The following CNIH3 variants were observed in gnomAD, a reference collection of about 807,000 sequenced individuals.
The protein encoded by CNIH3 is cornichon family AMPA receptor auxiliary protein 3.
CNIH3 carries 14 observed loss-of-function variants against 24.1 expected under a neutral mutation model. That is an observed-to-expected ratio of 0.58 (90% CI 0.38 to 0.91). CNIH3 has a LOEUF of 0.91. Ranked by LOEUF, CNIH3 falls within the 40% of genes least tolerant of loss-of-function variation. The pLI is 0.00. For missense variants in CNIH3, 178 were observed against 196.8 expected (o/e 0.90, Z 0.57); for synonymous variants, 68 against 73.8 (o/e 0.92, Z 0.40).
rs567200981 is a variant in CNIH3, at chr1:224,594,634, G to A, written n.402+28370G>A. Among the ~76,000 whole-genome samples, 7 of 152,338 alleles carry A rather than the reference G, an allele frequency of 4.6e-5. No homozygotes were observed. In the South Asian group the frequency reaches 1.2e-3, roughly 27 times the overall value. ...CACGGCCTTTACTGGGGTTTGCACA[G>A]GAAAGGTCAGGCGGAGCAGCATAAA... On this transcript the variant is annotated intron_variant and non_coding_transcript_variant, in intron 3 of 7. Coordinates refer to the CNIH3 transcript ENST00000478120.
chr1:224,550,207 C>T (rs553788205), intron 3 of CNIH3, among the ~76,000 whole-genome samples: 24 of 152,204 alleles, frequency 1.6e-4, no homozygotes, highest in Admixed American at 4.6e-4. Context: ...GTTAATATCA[C>T]AGTGGGTAAA....
At chr1:224,546,774 C>T in intron 2 of CNIH3, 1 of 402,766 alleles carries the variant, frequency 2.5e-6, no homozygotes, top group Non-Finnish European at 3.4e-6. Flanking sequence ...TCAGCAGAGC[C>T]TCAGCTTTGA....
chr1:224,451,438 A>G (rs894012761), intron 1 of CNIH3, among the ~76,000 whole-genome samples: 2 of 152,210 alleles, frequency 1.3e-5, no homozygotes, highest in Non-Finnish European at 2.9e-5. Flanking sequence ...ATCTGTTCTG[A>G]TAAAAGTGTT....
At chr1:224,692,465 AT>A (rs1232712772) in intron 3 of CNIH3, among the ~76,000 whole-genome samples, 1 of 152,158 alleles carries the variant, frequency 6.6e-6, no homozygotes, top group Non-Finnish European at 1.5e-5. Context: ...GAGGGACATG[AT>A]ACGTGAAAAG....
At chr1:224,690,718 A>T (rs780910072) in intron 3 of CNIH3, among the ~76,000 whole-genome samples, 3 of 152,166 alleles carry the variant, frequency 2.0e-5, no homozygotes, top group Non-Finnish European at 4.4e-5. Flanking sequence ...TAGTGGGTGG[A>T]TTATTTTCAT....
chr1:224,537,008 C>A (rs1572433842), downstream of CNIH3: 1 of 152,128 alleles, frequency 6.6e-6, no homozygotes, highest in East Asian at 1.9e-4. Flanking sequence ...AATTCAATCT[C>A]GGGACCCCAA....
At chr1:224,720,848 A>C (rs1170408715) in intron 3 of CNIH3, among the ~76,000 whole-genome samples, 1 of 152,164 alleles carries the variant, frequency 6.6e-6, no homozygotes, top group East Asian at 1.9e-4. Flanking sequence ...ACGTGATGGA[A>C]CGGAGATTTT....
chr1:224,524,238 A>G (rs531651380), intron 2 of CNIH3, among the ~76,000 whole-genome samples: 21 of 152,304 alleles, frequency 1.4e-4, no homozygotes, highest in African/African-American at 5.1e-4. Context: ...GGGCAGAACC[A>G]GGGTTGTCAG....
intron 1 of CNIH3, among the ~76,000 whole-genome samples, chr1:224,444,725 A>G (rs1346079664): frequency 2.0e-5 from 3 of 151,934 alleles, no homozygotes; most frequent in African/African-American, 7.3e-5. Flanking sequence ...GCTCACTGCA[A>G]CCTTCGACTC....
At chr1:224,522,138 G>A (rs956969054) in intron 2 of CNIH3, among the ~76,000 whole-genome samples, 3 of 152,214 alleles carry the variant, frequency 2.0e-5, no homozygotes, top group Non-Finnish European at 2.9e-5. Context: ...GCTGTGGAGT[G>A]TGTAGGCTAC....
chr1:224,581,870 A>T (rs1053425248), intron 4 of CNIH3, among the ~76,000 whole-genome samples: 2 of 152,166 alleles, frequency 1.3e-5, no homozygotes, highest in African/African-American at 4.8e-5. Context: ...CCTAAATTAC[A>T]GGGGGATAAG....
In CNIH3 at chr1:224,703,938, G is replaced by A. The variant is rs1034113097; in HGVS notation, c.198+19095G>A. 3.3e-5 allele frequency among the ~76,000 whole-genome samples: 5 copies of A among 152,158 alleles called. No individual in the cohort carries two copies. The highest frequency in any genetic ancestry group is 7.4e-5 in the Non-Finnish European group (5 of 68,026). ...CAGGCCTCCCACCTCAGCCTACGACGTATTCCAACTCAAAGGGAGCAACGG... is the reference window on the plus strand; with the variant it reads ...CAGGCCTCCCACCTCAGCCTACGACATATTCCAACTCAAAGGGAGCAACGG... On this transcript the variant is annotated intron_variant, in intron 3 of 5. Transcript: ENST00000272133. This position sits in a 1 kb window ranked among gnomAD's most constrained non-coding sequence, Gnocchi z 4.2.
At chr1:224,737,748 G>A (rs926273740) in intron 5 of CNIH3, among the ~76,000 whole-genome samples, 2 of 152,176 alleles carry the variant, frequency 1.3e-5, no homozygotes, top group Non-Finnish European at 2.9e-5. Context: ...TGTGTCTCAG[G>A]TCCCTGCTAA....
rs1683038755 is a variant in CNIH3, at chr1:224,617,070, A to G, written c.-105A>G. The G allele has an allele frequency of 1.3e-6, 2 of 1,532,688 alleles. No homozygotes were observed. The highest frequency in any genetic ancestry group is 2.8e-5 in the African/African-American group (2 of 72,144). 94.9% of individuals were successfully genotyped at this position (1,532,688 alleles called of 1,614,324 possible). A position where few individuals can be genotyped will look rare whatever the true frequency, so the allele number is the denominator to read the frequency against. Reference sequence around the variant, plus strand: ...CGCCCTCCTGGGCACTAGCCTGGAGAGGAGCGTGCAGACGCGGCTCCTTGG... The same window carrying G: ...CGCCCTCCTGGGCACTAGCCTGGAGGGGAGCGTGCAGACGCGGCTCCTTGG... On this transcript the variant is annotated 5_prime_UTR_variant, in exon 1 of 6. Coordinates refer to ENST00000272133, the MANE Select transcript of CNIH3 (RefSeq NM_152495.2).
At position 224,667,381 on chromosome 1, in the gene CNIH3, C is replaced by A. The variant is rs184456165; in HGVS notation, c.82-13577C>A. ...CCACAGTTAATTAATCAACAGGTGA[C>A]TGATGAGAGAAGGTGTTTAAAATGT... is the stretch of plus-strand genomic sequence containing the variant. On this transcript the variant is annotated intron_variant, in intron 1 of 5. Coordinates refer to ENST00000272133, the MANE Select transcript of CNIH3 (RefSeq NM_152495.2). Among the ~76,000 whole-genome samples the A allele has an allele frequency of 2.0e-4, 31 of 152,224 alleles. No individual in the cohort carries two copies. The East Asian group carries it at 4.4e-3, about 22-fold the overall frequency.
chr1:224,446,811 G>A (rs1173637620), intron 1 of CNIH3, among the ~76,000 whole-genome samples: 1 of 152,152 alleles, frequency 6.6e-6, no homozygotes, highest in African/African-American at 2.4e-5. Flanking sequence ...CTATCTAGGT[G>A]AGGAAGGAAA....
chr1:224,728,251 G>A (rs770505424), intron 3 of CNIH3, among the ~76,000 whole-genome samples: 12 of 152,330 alleles, frequency 7.9e-5, no homozygotes, highest in East Asian at 1.9e-4. Context: ...ACTGCCTCCC[G>A]GGGCTGGCGC....
intron 1 of CNIH3, among the ~76,000 whole-genome samples, chr1:224,438,437 A>C (rs1674760641): frequency 6.6e-6 from 1 of 152,204 alleles, no homozygotes; most frequent in Non-Finnish European, 1.5e-5. Flanking sequence ...TTATAATAAA[A>C]CATAAAACCA....
At chr1:224,694,160 C>A (rs1687059237) in intron 3 of CNIH3, among the ~76,000 whole-genome samples, 1 of 152,210 alleles carries the variant, frequency 6.6e-6, no homozygotes, top group African/African-American at 2.4e-5. Context: ...AGCTCCTTTG[C>A]AGACAGCCCA....
Sources: allele counts gnomAD v4.1 joint callset (sites outside exome capture counted in the v4.1 genomes callset), GRCh38; gene constraint gnomAD v4.1.1; non-coding constraint Gnocchi (gnomAD v3.1); transcripts MANE v1.5; gene names NCBI Gene and HGNC (gene_info 2026-07-23, HGNC 2026-07-21).